SOX5: variants seen among roughly 807,000 people sequenced by gnomAD.
SOX5 encodes SRY-box transcription factor 5, also known as transcription factor SOX-5.
In SOX5, 9 loss-of-function variants were observed where a neutral mutation model predicts 92.0. That is an observed-to-expected ratio of 0.10 (90% CI 0.06 to 0.17). SOX5 has a LOEUF of 0.17. Among genes scored for constraint, SOX5 ranks in the 10% least tolerant of loss-of-function variants. SOX5 has a pLI of 1.00. For missense variants in SOX5, 642 were observed against 944.5 expected, an observed-to-expected ratio of 0.68 and a Z score of 4.20; for synonymous variants, 344 against 336.3, an observed-to-expected ratio of 1.02 and a Z score of -0.25.
chr12:24,128,187 T>C (rs745638004), intron 4 of SOX5, among the ~76,000 whole-genome samples: 10 of 152,208 alleles, frequency 6.6e-5, no homozygotes, highest in Admixed American at 1.3e-4. Flanking sequence ...ATTATTATCA[T>C]ACACAAGGAT....
At chr12:24,109,065 A>C (rs563688447) in intron 4 of SOX5, among the ~76,000 whole-genome samples, 97 of 152,298 alleles carry the variant, frequency 6.4e-4, no homozygotes, top group African/African-American at 2.1e-3. Flanking sequence ...CTGCAGACCT[A>C]ATGTTTTAAC....
intron 2 of SOX5, among the ~76,000 whole-genome samples, chr12:23,877,805 T>G (rs1451245678): frequency 6.6e-6 from 1 of 152,040 alleles, no homozygotes; most frequent in African/African-American, 2.4e-5. Flanking sequence ...CTAGTATATA[T>G]TATAATAATT....
intron 1 of SOX5, among the ~76,000 whole-genome samples, chr12:24,474,412 C>G (rs1945132909): frequency 1.3e-5 from 2 of 152,234 alleles, no homozygotes; most frequent in South Asian, 2.1e-4. Context: ...GATGACCCCC[C>G]CACCGGTGTG....
intron 9 of SOX5, chr12:23,584,730 A>AGTGTGT (rs34653390): frequency 1.7e-6 from 1 of 602,446 alleles, no homozygotes; most frequent in Non-Finnish European, 3.0e-6. Context: ...GACAGGTGTG[A>AGTGTGT]GTGTGTGTGT....
At chr12:24,165,564 TA>T (rs1227887810) in intron 4 of SOX5, among the ~76,000 whole-genome samples, 1 of 152,328 alleles carries the variant, frequency 6.6e-6, no homozygotes, top group African/African-American at 2.4e-5. Flanking sequence ...GTGACACTTC[TA>T]TTGCATAGTT....
At chr12:23,610,058 G>A (rs2075768023) in intron 8 of SOX5, among the ~76,000 whole-genome samples, 1 of 151,490 alleles carries the variant, frequency 6.6e-6, no homozygotes, top group Non-Finnish European at 1.5e-5. Context: ...GCTATTTTGG[G>A]AAAAAAAATA....
chr12:23,755,808 A>G, intron 3 of SOX5, 84 bp from the exon 4 acceptor site: 1 of 853,782 alleles, frequency 1.2e-6, no homozygotes. Context: ...GCTAAAAATA[A>G]GGCCATCCCT....
intron 6 of SOX5, among the ~76,000 whole-genome samples, chr12:23,666,513 A>G (rs963130216): frequency 6.6e-6 from 1 of 152,224 alleles, no homozygotes; most frequent in Non-Finnish European, 1.5e-5. Flanking sequence ...CTTTTTTTGA[A>G]CAAATATTTA....
intron 4 of SOX5, among the ~76,000 whole-genome samples, chr12:24,011,528 TAAC>T (rs1329616739): frequency 1.3e-5 from 2 of 152,222 alleles, no homozygotes; most frequent in Non-Finnish European, 2.9e-5. Flanking sequence ...TATTTTTTGT[TAAC>T]AACTTTTATT....
intron 4 of SOX5, among the ~76,000 whole-genome samples, chr12:23,976,380 T>C (rs1354510572): frequency 3.5e-5 from 3 of 86,622 alleles, no homozygotes; most frequent in Admixed American, 1.8e-4. Flanking sequence ...TTCTAAGAGG[T>C]GAACACTATT....
At chr12:24,011,879 A>C (rs1163725493) in intron 4 of SOX5, among the ~76,000 whole-genome samples, 1 of 152,178 alleles carries the variant, frequency 6.6e-6, no homozygotes, top group South Asian at 2.1e-4. Context: ...CAATTGACTA[A>C]CAAGAGAAAA....
At chr12:23,655,710 C>G (rs11047028) in intron 7 of SOX5, among the ~76,000 whole-genome samples, 67,594 of 151,784 alleles carry the variant, frequency 0.45, 15,320 homozygotes, top group Middle Eastern at 0.52. Flanking sequence ...TAAATCACTA[C>G]AATGGTAAGC....
intron 4 of SOX5, among the ~76,000 whole-genome samples, chr12:24,019,554 CA>C (rs1318120141): frequency 6.6e-6 from 1 of 152,218 alleles, no homozygotes; most frequent in African/African-American, 2.4e-5. Flanking sequence ...ATAGAGCAAG[CA>C]AACAGCTATG....
upstream of SOX5, among the ~76,000 whole-genome samples, chr12:23,950,215 C>T (rs890762547): frequency 2.0e-5 from 3 of 151,408 alleles, no homozygotes; most frequent in Non-Finnish European, 4.4e-5. Context: ...ATTGTTATTC[C>T]TTCTCACCCT....
intron 2 of SOX5, among the ~76,000 whole-genome samples, chr12:24,309,953 C>G (rs1465479369): frequency 6.6e-6 from 1 of 152,104 alleles, no homozygotes; most frequent in Non-Finnish European, 1.5e-5. Context: ...TTTTAATCTA[C>G]TGCAACACTT....
intron 4 of SOX5, among the ~76,000 whole-genome samples, chr12:24,075,106 A>G (rs1432915859): frequency 6.6e-6 from 1 of 151,150 alleles, no homozygotes; most frequent in South Asian, 2.1e-4. Flanking sequence ...TACAAAAAAT[A>G]AAAAAAATAA....
intron 9 of SOX5, among the ~76,000 whole-genome samples, chr12:23,601,776 C>A (rs866534314): frequency 6.6e-6 from 1 of 151,990 alleles, no homozygotes; most frequent in African/African-American, 2.4e-5. Context: ...TGGCCATGTT[C>A]TTCATTAAAA....
chr12:24,127,569 C>T (rs1003991407), intron 4 of SOX5, among the ~76,000 whole-genome samples: 37 of 152,030 alleles, frequency 2.4e-4, no homozygotes, highest in East Asian at 5.8e-4. Context: ...TAAGCTTCTC[C>T]GCCACACTTT....
intron 6 of SOX5, among the ~76,000 whole-genome samples, chr12:23,726,733 T>C (rs1174627874): frequency 6.6e-6 from 1 of 152,094 alleles, no homozygotes; most frequent in Admixed American, 6.6e-5. Flanking sequence ...TGAAAAGTCA[T>C]GGGAAAAATG....
Sources: allele counts gnomAD v4.1 joint callset (sites outside exome capture counted in the v4.1 genomes callset), GRCh38; gene constraint gnomAD v4.1.1; transcripts MANE v1.5; gene names NCBI Gene and HGNC (gene_info 2026-07-23, HGNC 2026-07-21).